Variants in NSG1 observed in about 807,000 individuals in gnomAD.
NSG1 encodes neuronal vesicle trafficking-associated protein 1.
NSG1 carries 9 observed loss-of-function variants against 19.3 expected under a neutral mutation model. The observed-to-expected ratio is 0.47, with a 90% CI of 0.28 to 0.81. The LOEUF (loss-of-function observed/expected upper bound fraction) is 0.81, where lower values mean the gene tolerates loss of function less well. NSG1 is among the 40% of genes least tolerant of loss of function. The pLI is 0.11. For missense variants in NSG1, 236 were observed against 242.4 expected (o/e 0.97, Z 0.18); for synonymous variants, 104 against 107.0 (o/e 0.97, Z 0.17).
intron 4 of NSG1, 87 bp downstream of exon 4, chr4:4,409,770 C>T: frequency 1.8e-6 from 2 of 1,086,918 alleles, no homozygotes; most frequent in East Asian, 4.9e-5. Flanking sequence ...CCTGCCGTCT[C>T]CCCCAGCTGG....
chr4:4,413,662 A>G (rs569232679), intron 4 of NSG1, among the ~76,000 whole-genome samples: 1 of 151,390 alleles, frequency 6.6e-6, no homozygotes, highest in Admixed American at 6.6e-5. Flanking sequence ...CAGAGGATGA[A>G]CCAGCTTACG....
At chr4:4,393,206 G>A (rs115366289) in intron 3 of NSG1, among the ~76,000 whole-genome samples, 527 of 152,224 alleles carry the variant, frequency 3.5e-3, no homozygotes, top group African/African-American at 0.012. Flanking sequence ...TCCCAGCCCC[G>A]GCGTTTTAGG....
chr4:4,412,911 G>C (rs1440800697), intron 4 of NSG1, among the ~76,000 whole-genome samples: 2 of 152,188 alleles, frequency 1.3e-5, no homozygotes, highest in Non-Finnish European at 2.9e-5. Context: ...TTTCATTTAG[G>C]TTTTGTTTTT....
chr4:4,417,077 GCT>G (rs112928012), intron 4 of NSG1, among the ~76,000 whole-genome samples, 156 bp from the exon 5 acceptor site: 18 of 152,310 alleles, frequency 1.2e-4, no homozygotes, highest in African/African-American at 4.1e-4. Flanking sequence ...CCTGTGCTGT[GCT>G]CTCTCAGGGC....
At chr4:4,403,091 T>C (rs1723654473) in intron 3 of NSG1, among the ~76,000 whole-genome samples, 1 of 152,178 alleles carries the variant, frequency 6.6e-6, no homozygotes, top group African/African-American at 2.4e-5. Context: ...CTGCTGGTTG[T>C]ACTCACTCAC....
intron 3 of NSG1, among the ~76,000 whole-genome samples, chr4:4,408,236 T>C (rs1723972374): frequency 6.6e-6 from 1 of 152,126 alleles, no homozygotes; most frequent in African/African-American, 2.4e-5. Context: ...TTAACCTTGT[T>C]GGCTGTAGGG....
chr4:4,414,265 T>C (rs1724393813), intron 4 of NSG1, among the ~76,000 whole-genome samples: 1 of 151,802 alleles, frequency 6.6e-6, no homozygotes, highest in Admixed American at 6.6e-5. Flanking sequence ...CGGCTGCAGA[T>C]GAGACTGGCG....
At chr4:4,399,699 C>G (rs1222856984) in intron 3 of NSG1, among the ~76,000 whole-genome samples, 2 of 152,070 alleles carry the variant, frequency 1.3e-5, no homozygotes, top group Non-Finnish European at 2.9e-5. Flanking sequence ...ATAGCGGTCC[C>G]CAACCTTTTT....
intron 3 of NSG1, among the ~76,000 whole-genome samples, chr4:4,392,928 G>A (rs900559795): frequency 3.3e-5 from 5 of 152,112 alleles, no homozygotes; most frequent in South Asian, 2.1e-4. Flanking sequence ...TCGGCCCATC[G>A]TACGTTTTTG....
chr4:4,417,390 G>C lies in NSG1; in HGVS notation c.513G>C (p.Glu171Asp). The C allele has an allele frequency of 1.2e-6, 2 of 1,614,216 alleles. No individual in the cohort carries two copies. The highest frequency in any genetic ancestry group is 2.2e-5 in the South Asian group (2 of 91,088). The change falls in exon 5 of 5, where the codon GAG (glutamate) becomes GAC (aspartate). Residue 171 changes from glutamate to aspartate, a missense_variant. Physicochemically the swap from Glu to Asp is conservative, Grantham distance 45. Coordinates refer to ENST00000621129, the MANE Select transcript of NSG1 (RefSeq NM_014392.5). ...CCTGGATGTCAGTTCTGTCAGAAGA[G>C]AAGCTGTCCGAGCAGGAGACTGAAG... ...VSPWMSVLSEEKLSEQETEAA... is the reference protein window; with the variant it reads ...VSPWMSVLSEDKLSEQETEAA...
chr4:4,406,790 C>T (rs114278741), intron 3 of NSG1, among the ~76,000 whole-genome samples: 169 of 152,332 alleles, frequency 1.1e-3, no homozygotes, highest in African/African-American at 3.9e-3. Flanking sequence ...GCTAGAGCCG[C>T]AGGGTCTGTG....
chr4:4,411,005 G>A (rs937519458), intron 4 of NSG1, among the ~76,000 whole-genome samples: 1 of 152,032 alleles, frequency 6.6e-6, no homozygotes, highest in Non-Finnish European at 1.5e-5. Context: ...TTATAGGTGT[G>A]CGCCACCACC....
intron 3 of NSG1, among the ~76,000 whole-genome samples, chr4:4,409,303 C>T (rs1003686767): frequency 6.6e-6 from 1 of 152,236 alleles, no homozygotes; most frequent in African/African-American, 2.4e-5. Context: ...ATATCTGTAC[C>T]CTGAGCTCTC....
At chr4:4,391,373 C>G in intron 2 of NSG1, 102 bp from the exon 3 acceptor site, 1 of 708,656 alleles carries the variant, frequency 1.4e-6, no homozygotes, top group Non-Finnish European at 2.4e-6. Flanking sequence ...GAATTTCTTC[C>G]TGGCAAATGG....
chr4:4,414,958 A>G (rs761010122), intron 4 of NSG1, among the ~76,000 whole-genome samples: 2 of 150,398 alleles, frequency 1.3e-5, no homozygotes, highest in African/African-American at 4.9e-5. Flanking sequence ...CTTTAAAAAA[A>G]AACAACAACA....
At chr4:4,399,434 C>T (rs1253823092) in intron 3 of NSG1, among the ~76,000 whole-genome samples, 2 of 152,198 alleles carry the variant, frequency 1.3e-5, no homozygotes, top group East Asian at 1.9e-4. Context: ...TGAGCCACCT[C>T]ACCCAGCCGT....
intron 2 of NSG1, among the ~76,000 whole-genome samples, chr4:4,388,382 C>T (rs1349715653): frequency 6.6e-6 from 1 of 152,232 alleles, no homozygotes; most frequent in Non-Finnish European, 1.5e-5. Context: ...TGGGAAAAAC[C>T]ATTCATCAAC....
intron 4 of NSG1, among the ~76,000 whole-genome samples, chr4:4,409,967 C>G (rs1724084182): frequency 6.6e-6 from 1 of 152,374 alleles, no homozygotes; most frequent in African/African-American, 2.4e-5. Context: ...TGGGCCCAGC[C>G]AGGGTCTGCC....
intron 1 of NSG1, 34 bp downstream of exon 1, chr4:4,387,207 G>C: frequency 6.2e-6 from 1 of 161,226 alleles, no homozygotes. Context: ...GGCTTGCCGA[G>C]GCCAGACCTT....
Sources: gnomAD v4.1 joint callset for allele counts (sites outside exome capture counted in the v4.1 genomes callset) on GRCh38, gnomAD v4.1.1 for gene constraint, MANE v1.5 for transcripts, NCBI Gene and HGNC (gene_info 2026-07-23, HGNC 2026-07-21) for gene names.